Variants in LRP1B observed in about 807,000 individuals in gnomAD.
LRP1B encodes the protein LDL receptor related protein 1B, also known as low-density lipoprotein receptor-related protein 1B.
LRP1B carries 217 observed loss-of-function variants against 556.6 expected under a neutral mutation model. That is an observed-to-expected ratio of 0.39 (90% CI 0.35 to 0.44). The LOEUF is 0.44. Ranked by LOEUF, LRP1B falls within the 20% of genes least tolerant of loss-of-function variation. The pLI is 1.00. For missense variants in LRP1B, 5,053 were observed against 5,620.8 expected, an observed-to-expected ratio of 0.90 and a Z score of 3.23; for synonymous variants, 2,047 against 1,865.8, an observed-to-expected ratio of 1.10 and a Z score of -2.50.
At chr2:141,856,685 T>C (rs990749873) in intron 1 of LRP1B, among the ~76,000 whole-genome samples, 6 of 152,126 alleles carry the variant, frequency 3.9e-5, no homozygotes, top group African/African-American at 1.4e-4. Flanking sequence ...AGCAAGGTGA[T>C]GCACATTAGA....
chr2:141,372,853 G>C (rs1007507741), intron 3 of LRP1B, among the ~76,000 whole-genome samples: 1 of 151,880 alleles, frequency 6.6e-6, no homozygotes, highest in East Asian at 1.9e-4. Context: ...TATTTTGGGG[G>C]TGCCTCTCTT....
intron 1 of LRP1B, among the ~76,000 whole-genome samples, chr2:142,089,795 A>G (rs949428366): frequency 6.6e-6 from 1 of 152,190 alleles, no homozygotes. Context: ...GAATAATGAA[A>G]ATTGCAAAGT....
intron 1 of LRP1B, among the ~76,000 whole-genome samples, chr2:141,881,614 G>A (rs1222974476): frequency 6.6e-6 from 1 of 151,786 alleles, no homozygotes; most frequent in African/African-American, 2.4e-5. Flanking sequence ...CAAGAGTGAG[G>A]TAAACTGTCC....
intron 58 of LRP1B, among the ~76,000 whole-genome samples, chr2:140,487,119 G>T (rs2105365722): frequency 6.6e-6 from 1 of 151,936 alleles, no homozygotes; most frequent in Non-Finnish European, 1.5e-5. Flanking sequence ...ACACATGACA[G>T]AACTGTGACA....
At chr2:141,033,021 G>C (rs116428200) in intron 11 of LRP1B, among the ~76,000 whole-genome samples, 258 of 152,014 alleles carry the variant, frequency 1.7e-3, no homozygotes, top group African/African-American at 6.1e-3. Flanking sequence ...GGGGCTGCTG[G>C]AGAGACAGTA....
intron 21 of LRP1B, among the ~76,000 whole-genome samples, chr2:140,911,978 G>A (rs1432434551): frequency 6.6e-6 from 1 of 151,686 alleles, no homozygotes; most frequent in Non-Finnish European, 1.5e-5. Flanking sequence ...ATATTCAGAT[G>A]ACTGTAAAAC....
intron 35 of LRP1B, among the ~76,000 whole-genome samples, chr2:140,755,863 G>A (rs1688726802): frequency 6.6e-6 from 1 of 151,922 alleles, no homozygotes; most frequent in Non-Finnish European, 1.5e-5. Context: ...GAAGTAGAAG[G>A]AGAAGAAGGA....
intron 3 of LRP1B, among the ~76,000 whole-genome samples, chr2:141,423,874 A>G (rs1680247732): frequency 6.6e-6 from 1 of 152,030 alleles, no homozygotes; most frequent in African/African-American, 2.4e-5. Flanking sequence ...ATAAATATAT[A>G]AATGATTTTG....
chr2:140,415,061 G>A (rs1479668833), intron 66 of LRP1B, among the ~76,000 whole-genome samples: 1 of 152,090 alleles, frequency 6.6e-6, no homozygotes, highest in Admixed American at 6.5e-5. Flanking sequence ...ATTGAGATAA[G>A]GACTGAGATA....
intron 32 of LRP1B, among the ~76,000 whole-genome samples, chr2:140,791,693 G>T: frequency 6.6e-6 from 1 of 152,124 alleles, no homozygotes; most frequent in South Asian, 2.1e-4. Flanking sequence ...TAGACAATGA[G>T]TCAGTCAGAA....
chr2:141,436,257 G>T (rs1056195701), intron 3 of LRP1B, among the ~76,000 whole-genome samples: 56 of 152,126 alleles, frequency 3.7e-4, no homozygotes, highest in Admixed American at 2.7e-3. Flanking sequence ...AGTTACCATT[G>T]TTTCTGATGT....
intron 37 of LRP1B, 139 bp from the exon 38 acceptor site, chr2:140,702,692 T>G (rs1329699995): frequency 2.7e-6 from 2 of 731,260 alleles, no homozygotes; most frequent in Non-Finnish European, 4.4e-6. Flanking sequence ...TAATATACAG[T>G]GTGCTTATGG....
chr2:141,236,283 T>G (rs191229857), intron 5 of LRP1B, among the ~76,000 whole-genome samples: 1 of 152,286 alleles, frequency 6.6e-6, no homozygotes, highest in Non-Finnish European at 1.5e-5. Flanking sequence ...TTACCTCACA[T>G]AGTTACCATT....
intron 1 of LRP1B, 117 bp downstream of exon 1, chr2:142,130,531 C>A: frequency 1.2e-6 from 1 of 846,858 alleles, no homozygotes; most frequent in Non-Finnish European, 1.8e-6. Context: ...GGTGGTCACC[C>A]GGTCCCGGGG....
At chr2:141,768,147 T>A (rs1694787646) in intron 2 of LRP1B, among the ~76,000 whole-genome samples, 1 of 152,160 alleles carries the variant, frequency 6.6e-6, no homozygotes, top group Non-Finnish European at 1.5e-5. Flanking sequence ...ATTGTGTCAA[T>A]GACAAGTTTC....
chr2:142,005,625 A>C, intron 1 of LRP1B, among the ~76,000 whole-genome samples: 1 of 152,236 alleles, frequency 6.6e-6, no homozygotes, highest in East Asian at 1.9e-4. Context: ...AAAAGAATTA[A>C]TAAATGTGAA....
chr2:141,093,341 G>A (rs1700218109), intron 7 of LRP1B, among the ~76,000 whole-genome samples: 1 of 152,084 alleles, frequency 6.6e-6, no homozygotes, highest in Admixed American at 6.6e-5. Flanking sequence ...AATAATAGGG[G>A]CAGGTCATCA....
intron 7 of LRP1B, among the ~76,000 whole-genome samples, chr2:141,114,890 T>A (rs5834808): frequency 0.11 from 16,264 of 146,108 alleles, 1,436 homozygotes; most frequent in East Asian, 0.46. Context: ...AAAAAAAAAA[T>A]TTATTTTTAA....
chr2:140,786,430 C>A (rs994963081), intron 32 of LRP1B, among the ~76,000 whole-genome samples: 1 of 152,134 alleles, frequency 6.6e-6, no homozygotes, highest in Non-Finnish European at 1.5e-5. Context: ...AAATCAGGAA[C>A]GCCCCTCCAC....
Sources: gnomAD v4.1 joint callset for allele counts (sites outside exome capture counted in the v4.1 genomes callset) on GRCh38, gnomAD v4.1.1 for gene constraint, MANE v1.5 for transcripts, NCBI Gene and HGNC (gene_info 2026-07-23, HGNC 2026-07-21) for gene names.